Variants in PEX5 observed in about 807,000 individuals in gnomAD.
PEX5 encodes PTS1 receptor.
PEX5 carries 52 observed loss-of-function variants against 82.9 expected under a neutral mutation model. The ratio of observed to expected loss-of-function variants is 0.63; its 90% CI spans 0.50 to 0.79. The LOEUF is 0.79. PEX5 is among the 30% of genes least tolerant of loss of function. PEX5 has a pLI of 0.00. For synonymous variants in PEX5, 300 were observed against 318.8 expected (o/e 0.94, Z 0.63); for missense variants, 719 against 815.2 (o/e 0.88, Z 1.44).
chr12:7,207,804 T>C lies in PEX5; in HGVS notation c.1110+2T>C. ...CAGCAGGATCCTAAGCACATGGAAG[T>C]GAGTGACTCCATAGTCTCATTTCTG... On this transcript the variant is annotated splice_donor_variant, in intron 11 of 15. Coordinates refer to ENST00000675855, the MANE Select transcript of PEX5 (RefSeq NM_001351132.2). LOFTEE classifies it high-confidence loss of function. 2 of 1,613,928 alleles carry C rather than the reference T, an allele frequency of 1.2e-6. No individual in the cohort carries two copies. Among genetic ancestry groups the C allele is most frequent in the Non-Finnish European group, 1.7e-6 (2 of 1,179,850 alleles).
chr12:7,199,017 T>G lies in PEX5; in HGVS notation c.455T>G (p.Leu152Trp), dbSNP rs370913045. 8 of 1,593,922 alleles carry G rather than the reference T, an allele frequency of 5.0e-6. No individual in the cohort carries two copies. The African/African-American group carries it at 1.1e-4, about 21-fold the overall frequency. Residue 152 changes from leucine to tryptophan, a missense_variant, in exon 6 of 16, where the codon TTG (leucine) becomes TGG (tryptophan). Physicochemically the swap from Leu to Trp is moderately conservative, Grantham distance 61. Coordinates refer to ENST00000675855, the MANE Select transcript of PEX5 (RefSeq NM_001351132.2). Reference sequence around the variant, plus strand: ...ACTTCTCTGCTCCTTGCAGACCCCTTGTCTGTGTCCCCTGCCCGCTGGGCT... The same window carrying G: ...ACTTCTCTGCTCCTTGCAGACCCCTGGTCTGTGTCCCCTGCCCGCTGGGCT... ...QEFISEVTDP[L>W]SVSPARWAEE...
At chr12:7,209,945 C>G in intron 15 of PEX5, 77 bp from the exon 16 acceptor site, 1 of 1,592,132 alleles carries the variant, frequency 6.3e-7, no homozygotes, top group South Asian at 1.1e-5. Flanking sequence ...CTAGCTTTCT[C>G]CCTCCCACTG....
At chr12:7,201,135 G>T (rs1009743288) in intron 6 of PEX5, among the ~76,000 whole-genome samples, 1 of 121,672 alleles carries the variant, frequency 8.2e-6, no homozygotes, top group Non-Finnish European at 1.9e-5. Flanking sequence ...ATGTGTGCGT[G>T]CACACACACA....
intron 10 of PEX5, among the ~76,000 whole-genome samples, chr12:7,203,754 T>C (rs182586201): frequency 7.9e-5 from 12 of 152,340 alleles, no homozygotes; most frequent in African/African-American, 2.9e-4. Context: ...AATGAGACTA[T>C]CTTTGTCAAT....
rs774915360 is a variant in PEX5, at chr12:7,208,555, G to C, written c.1280G>C (p.Arg427Pro). 6.2e-7 allele frequency: 1 copy of C among 1,614,112 alleles called. No homozygotes were observed. The highest frequency in any genetic ancestry group is 8.5e-7 in the Non-Finnish European group (1 of 1,179,982). The change falls in exon 13 of 16, where the codon CGA becomes CCA. Residue 427 changes from arginine to proline, a missense_variant. Coordinates refer to ENST00000675855, the MANE Select transcript of PEX5 (RefSeq NM_001351132.2). ...SLQRQACETL[R>P]DWLRYTPAYA... ...CAGCGACAGGCCTGTGAAACCCTAC[G>C]AGACTGGCTGCGGTACACACCAGCC...
At chr12:7,207,526 G>A in intron 10 of PEX5, 133 bp from the exon 11 acceptor site, 1 of 849,638 alleles carries the variant, frequency 1.2e-6, no homozygotes, top group South Asian at 1.4e-5. Context: ...ATAATATGGA[G>A]AATTTGCCAG....
At chr12:7,197,684 A>T (rs73050078) in intron 5 of PEX5, among the ~76,000 whole-genome samples, 22,273 of 151,668 alleles carry the variant, frequency 0.15, 2,079 homozygotes, top group Non-Finnish European at 0.2. Context: ...ATTCAGGCAA[A>T]GTTTCAGTTA....
At position 7,208,066 on chromosome 12, in the gene PEX5, C is replaced by T. The variant is rs1163949308; in HGVS notation, c.1167C>T (p.Ile389=). 6.2e-7 allele frequency: 1 copy of T among 1,613,090 alleles called. No homozygotes were observed. The change falls in exon 12 of 16, where the codon ATC becomes ATT. Residue 389 remains isoleucine (I), a synonymous_variant. Coordinates refer to ENST00000675855, the MANE Select transcript of PEX5 (RefSeq NM_001351132.2). ...AGAATGAACAAGAACTATTAGCCAT[C>T]AGTGCATTGCGGAGGTGAGTACACT... ...QAENEQELLA[I]SALRRCLELK...
Position 7,202,692 on chromosome 12 carries a change from G to A in PEX5, c.834G>A (p.Lys278=), listed in dbSNP as rs1303814530. The change falls in exon 9 of 16, where the codon AAG becomes AAA. Residue 278 remains lysine (K), a synonymous_variant. Transcript: ENST00000675855. ...TTGATATGGAGTTTGAACGAGCCAA[G>A]TCAGCTATAGAGGTGAGAGCAGATA... ...SALDMEFERA[K]SAIESDVDFW... The A allele has an allele frequency of 1.9e-6, 3 of 1,613,362 alleles. No homozygotes were observed. Among genetic ancestry groups the A allele is most frequent in the Non-Finnish European group, 1.7e-6 (2 of 1,179,274 alleles).
intron 3 of PEX5, 141 bp downstream of exon 3, chr12:7,191,064 C>T (rs1397061145): frequency 4.2e-6 from 5 of 1,187,080 alleles, no homozygotes; most frequent in East Asian, 4.6e-5. Context: ...TGTATTTTTT[C>T]GTCCTTCTAA....
At position 7,210,233 on chromosome 12, in the gene PEX5, G is replaced by C. The variant is rs368359968; in HGVS notation, c.*10G>C. On this transcript the variant is annotated 3_prime_UTR_variant, in exon 16 of 16. Coordinates refer to ENST00000675855, the MANE Select transcript of PEX5 (RefSeq NM_001351132.2). The stretch of plus-strand genomic sequence containing the variant: ...TGGCCTGCCCCAGTGACAGTGGGAC[G>C]GGCTGCCCTGTGAGTGTCCACCTGG... The C allele has an allele frequency of 1.2e-6, 2 of 1,611,316 alleles. No homozygotes were observed. Among genetic ancestry groups the C allele is most frequent in the South Asian group, 2.2e-5 (2 of 91,016 alleles).
rs933765228 is a variant in PEX5 at position 7,210,410 on chromosome 12, G to A, written c.*187G>A. The A allele has an allele frequency of 2.8e-5, 18 of 652,266 alleles. No homozygotes were observed. In the African/African-American group the frequency reaches 3.0e-4, roughly 11 times the overall value. The allele number at this position is 652,266 out of a possible 1,614,324, so 40.4% of individuals were successfully genotyped here. A position where few individuals can be genotyped will look rare whatever the true frequency, so the allele number is the denominator to read the frequency against. On this transcript the variant is annotated 3_prime_UTR_variant, in exon 16 of 16. Coordinates refer to ENST00000675855, the MANE Select transcript of PEX5 (RefSeq NM_001351132.2). ...AGTTCCTACATAATTGTAGGAAAAT[G>A]AGCTGTGTCATCTCTGAGTCCCTTG... is the stretch of plus-strand genomic sequence containing the variant.
rs1414114941 is a variant in PEX5 at position 7,210,109 on chromosome 12, C to T, written c.1806C>T (p.Asn602=). Residue 602 remains asparagine, a synonymous_variant, in exon 16 of 16, where the codon AAC becomes AAT. Transcript: ENST00000675855. ...PRGEGGAMSE[N]IWSTLRLALS... The stretch of plus-strand genomic sequence containing the variant: ...GTGAAGGAGGTGCCATGTCGGAGAA[C>T]ATCTGGAGCACCCTGCGTTTGGCAT... The T allele has an allele frequency of 4.3e-6, 7 of 1,614,094 alleles. No individual in the cohort carries two copies. Among genetic ancestry groups the T allele is most frequent in the Non-Finnish European group, 5.9e-6 (7 of 1,180,032 alleles).
At chr12:7,217,185 C>T (rs752375228) in intron 17 of PEX5, among the ~76,000 whole-genome samples, 2 of 152,256 alleles carry the variant, frequency 1.3e-5, no homozygotes, top group East Asian at 3.9e-4. Flanking sequence ...TTCTCATTTT[C>T]CAAGTAGGAA....
At chr12:7,216,674 TAA>T (rs1945789534) in intron 17 of PEX5, among the ~76,000 whole-genome samples, 1 of 152,210 alleles carries the variant, frequency 6.6e-6, no homozygotes, top group African/African-American at 2.4e-5. Context: ...GAACCTGGAA[TAA>T]AAGTCAAAAA....
In PEX5 at chr12:7,207,780, A is replaced by C; in HGVS notation, c.1088A>C (p.Gln363Pro). The change falls in exon 11 of 16, where the codon CAG (glutamine) becomes CCG (proline). Residue 363 changes from glutamine to proline, a missense_variant. Transcript: ENST00000675855. ...GTGCTGCTTTTTGAGGCAGCTGTGC[A>C]GCAGGATCCTAAGCACATGGAAGTG... ...NAVLLFEAAVQQDPKHMEAWQ... is the reference protein window; with the variant it reads ...NAVLLFEAAVPQDPKHMEAWQ... 1.9e-6 allele frequency: 3 copies of C among 1,614,160 alleles called. No individual in the cohort carries two copies. Among genetic ancestry groups the C allele is most frequent in the Non-Finnish European group, 2.5e-6 (3 of 1,180,014 alleles).
At chr12:7,201,120 C>G (rs77531438) in intron 6 of PEX5, among the ~76,000 whole-genome samples, 1 of 148,504 alleles carries the variant, frequency 6.7e-6, no homozygotes, top group Non-Finnish European at 1.5e-5. Flanking sequence ...ACCAAAAGCG[C>G]ATGCATGTGT....
chr12:7,201,145 ACACG>A (rs1565700184), intron 6 of PEX5, among the ~76,000 whole-genome samples: 2 of 114,976 alleles, frequency 1.7e-5, no homozygotes, highest in Non-Finnish European at 4.1e-5. Context: ...GCACACACAC[ACACG>A]CACACACATA....
At position 7,201,773 on chromosome 12, in the gene PEX5, G is replaced by A; in HGVS notation, c.574G>A (p.Glu192Lys). 6.2e-7 allele frequency: 1 copy of A among 1,613,840 alleles called. No homozygotes were observed. The highest frequency in any genetic ancestry group is 8.5e-7 in the Non-Finnish European group (1 of 1,179,764). ...CAGGTATGATGAATATCATCCTGAG[G>A]AGGATCTGCAGCACACGGCCAGTGA... is the stretch of plus-strand genomic sequence containing the variant. Reference protein sequence around the residue: ...DRWYDEYHPEEDLQHTASDFV... With the variant: ...DRWYDEYHPEKDLQHTASDFV... The change falls in exon 7 of 16, where the codon GAG becomes AAG. Residue 192 changes from glutamate (E) to lysine (K), a missense_variant. Transcript: ENST00000675855.
Sources: gnomAD v4.1 joint callset for allele counts (sites outside exome capture counted in the v4.1 genomes callset) on GRCh38, gnomAD v4.1.1 for gene constraint, MANE v1.5 for transcripts, NCBI Gene and HGNC (gene_info 2026-07-23, HGNC 2026-07-21) for gene names.